The following FKBP15 variants were observed in gnomAD, a reference collection of about 807,000 sequenced individuals.
The protein encoded by FKBP15 is FK506-binding protein 15.
A neutral mutation model predicts 158.1 loss-of-function variants in FKBP15; 106 were observed. The ratio of observed to expected loss-of-function variants is 0.67; its 90% confidence interval spans 0.57 to 0.79. FKBP15 has a LOEUF of 0.79. FKBP15 is among the 30% of genes least tolerant of loss of function. The pLI is 0.00. For missense variants in FKBP15, 1,287 were observed against 1,479.1 expected (o/e 0.87, Z 2.13); for synonymous variants, 547 against 548.6 (o/e 1.00, Z 0.04).
chr9:113,190,685 C>A, intron 11 of FKBP15, 107 bp from the exon 12 acceptor site: 1 of 753,082 alleles, frequency 1.3e-6, no homozygotes, highest in Non-Finnish European at 2.2e-6. Context: ...AATCCCCCTA[C>A]CATATCTATT....
rs550748123 is a variant in FKBP15, at chr9:113,203,327, A to C, written c.325-292T>G. Among the ~76,000 whole-genome samples the C allele has an allele frequency of 2.0e-5, 3 of 152,262 alleles. No individual in the cohort carries two copies. In the East Asian group the frequency reaches 5.8e-4, roughly 29 times the overall value. ...CTAAGAGTGGCTGGTTGTGTAAAAG[A>C]AAATACAAATTGTTTTTAAATTGAT... is the stretch of plus-strand genomic sequence containing the variant. On this transcript the variant is annotated intron_variant, in intron 4 of 27. Transcript: ENST00000238256.
intron 1 of FKBP15, among the ~76,000 whole-genome samples, chr9:113,212,420 C>T (rs968546997): frequency 1.3e-5 from 2 of 152,106 alleles, no homozygotes; most frequent in Non-Finnish European, 2.9e-5. Context: ...AACTCCTGAC[C>T]TCAAGTGATC....
intron 6 of FKBP15, among the ~76,000 whole-genome samples, chr9:113,200,319 A>G (rs1830764024): frequency 6.6e-6 from 1 of 152,262 alleles, no homozygotes; most frequent in Non-Finnish European, 1.5e-5. Flanking sequence ...TACCTGGCAA[A>G]TAATAGTAAG....
chr9:113,190,333 C>T lies in FKBP15; in HGVS notation c.1173+138G>A. 1.7e-5 allele frequency: 12 copies of T among 712,202 alleles called. 1 individual carries two copies. In the South Asian group the frequency reaches 2.0e-4, roughly 12 times the overall value. 44.1% of individuals were successfully genotyped at this position (712,202 alleles called of 1,614,324 possible). A position where few individuals can be genotyped will look rare whatever the true frequency, so the allele number is the denominator to read the frequency against. ...CACAGTAGAAACACATGTACCAATACCAATCTGTATCATTTTGCATATTAG... is the reference window on the plus strand; with the variant it reads ...CACAGTAGAAACACATGTACCAATATCAATCTGTATCATTTTGCATATTAG... On this transcript the variant is annotated intron_variant, in intron 12 of 27. Coordinates refer to ENST00000238256, the MANE Select transcript of FKBP15 (RefSeq NM_015258.2).
chr9:113,190,218 T>G lies in FKBP15; in HGVS notation c.1173+253A>C, dbSNP rs541846459. On this transcript the variant is annotated intron_variant, in intron 12 of 27. Transcript: ENST00000238256. Reference sequence around the variant, plus strand: ...TGATCTTTAGTAACAACAGAGATTCTAGTAAAGAAGGCTAAATTAACTACT... The same window carrying G: ...TGATCTTTAGTAACAACAGAGATTCGAGTAAAGAAGGCTAAATTAACTACT... Among the ~76,000 whole-genome samples the G allele has an allele frequency of 1.6e-3, 237 of 152,328 alleles. 1 individual carries two copies. Among genetic ancestry groups the G allele is most frequent in the African/African-American group, 5.6e-3 (233 of 41,568 alleles).
In FKBP15 at chr9:113,178,595, G is replaced by A. The variant is rs748151553; in HGVS notation, c.2086+35C>T. ...ACAGCTTAATTCCTTGAGTTTAAAT[G>A]GCAACAATCCCAGCATCCCCCACCT... is the stretch of plus-strand genomic sequence containing the variant. On this transcript the variant is annotated intron_variant, in intron 20 of 27. Transcript: ENST00000238256. The A allele has an allele frequency of 4.5e-6, 7 of 1,550,134 alleles. No individual in the cohort carries two copies. In the African/African-American group the frequency reaches 8.3e-5, roughly 18 times the overall value.
At chr9:113,177,444 A>G (rs961395181) in intron 20 of FKBP15, among the ~76,000 whole-genome samples, 1 of 152,214 alleles carries the variant, frequency 6.6e-6, no homozygotes, top group Non-Finnish European at 1.5e-5. Flanking sequence ...CAAATCTAAG[A>G]CTGTCTAACA....
intron 6 of FKBP15, 144 bp downstream of exon 6, chr9:113,202,387 G>A (rs1830808745): frequency 2.0e-6 from 1 of 512,150 alleles, no homozygotes; most frequent in South Asian, 3.3e-5. Flanking sequence ...CATACAATAG[G>A]CCGAAGTGGC....
chr9:113,206,356 T>C (rs959916484), intron 4 of FKBP15, 153 bp downstream of exon 4: 5 of 598,366 alleles, frequency 8.4e-6, no homozygotes, highest in East Asian at 2.9e-5. Flanking sequence ...AATGTGATCA[T>C]TTACTATATG....
chr9:113,170,707 G>C, intron 24 of FKBP15, 78 bp from the exon 25 acceptor site: 1 of 1,057,452 alleles, frequency 9.5e-7, no homozygotes, highest in African/African-American at 1.6e-5. Flanking sequence ...GTGTATGGAA[G>C]GCCAAAATGA....
At position 113,183,695 on chromosome 9, in the gene FKBP15, C is replaced by T. The variant is rs971500054; in HGVS notation, c.1811+56G>A. On this transcript the variant is annotated intron_variant, in intron 18 of 27. Transcript: ENST00000238256. ...AACAAATACGTGTACTTAAGCTGGG[C>T]ATATACATAATAAACCCTTTTGTCC... The T allele has an allele frequency of 3.6e-6, 4 of 1,125,538 alleles. No individual in the cohort carries two copies. The Admixed American group carries it at 5.6e-5, about 16-fold the overall frequency. The allele number at this position is 1,125,538 out of a possible 1,614,324, so 69.7% of individuals were successfully genotyped here. A position where few individuals can be genotyped will look rare whatever the true frequency, so the allele number is the denominator to read the frequency against.
chr9:113,186,143 A>G, intron 15 of FKBP15, 106 bp downstream of exon 15: 1 of 727,916 alleles, frequency 1.4e-6, no homozygotes, highest in Admixed American at 2.7e-5. Context: ...TAAAAAAGAG[A>G]AGAAACAATG....
intron 19 of FKBP15, among the ~76,000 whole-genome samples, chr9:113,179,414 A>G (rs528141915): frequency 6.6e-6 from 1 of 152,150 alleles, no homozygotes; most frequent in African/African-American, 2.4e-5. Context: ...CTGTAATCCC[A>G]CCACTTTGGG....
chr9:113,211,429 G>C, intron 2 of FKBP15, 48 bp downstream of exon 2: 2 of 1,465,464 alleles, frequency 1.4e-6, no homozygotes, highest in Non-Finnish European at 1.9e-6. Context: ...AAAGTGCTGG[G>C]ATTACAGGCA....
In FKBP15 at chr9:113,172,874, A is replaced by G. The variant is rs1013647678; in HGVS notation, c.2532+579T>C. 3.3e-5 allele frequency among the ~76,000 whole-genome samples: 5 copies of G among 152,166 alleles called. No homozygotes were observed. The East Asian group carries it at 9.6e-4, about 29-fold the overall frequency. On this transcript the variant is annotated intron_variant, in intron 23 of 27. Transcript: ENST00000238256. Reference sequence around the variant, plus strand: ...GACTTTCACACCATGACCCTAAGCCATGTCCCATCTCTCTTTTTCAGGCCT... The same window carrying G: ...GACTTTCACACCATGACCCTAAGCCGTGTCCCATCTCTCTTTTTCAGGCCT...
Position 113,202,605 on chromosome 9 carries a change from AG to A in FKBP15, c.423del (p.Tyr143MetfsTer52). 6.3e-7 allele frequency: 1 copy of A among 1,574,824 alleles called. No individual in the cohort carries two copies. The highest frequency in any genetic ancestry group is 8.6e-7 in the Non-Finnish European group (1 of 1,158,642). ...CAGTTCTGTCTCTGGTCATCATAAA[AG>A]GTGCTATAGTTATTGGGCCGAACCT... is the stretch of plus-strand genomic sequence containing the variant. ...ELMVRPNNYS[T>X]FYDDQRQNWS... On this transcript the variant is annotated frameshift_variant, in exon 6 of 28. Transcript: ENST00000238256. LOFTEE classifies it high-confidence loss of function.
At chr9:113,207,156 C>G in intron 3 of FKBP15, 56 bp downstream of exon 3, 1 of 1,090,402 alleles carries the variant, frequency 9.2e-7, no homozygotes, top group Non-Finnish European at 1.3e-6. Flanking sequence ...GAAAAAGTAG[C>G]TTAACTGCAC....
chr9:113,196,051 T>C (rs973483320), intron 9 of FKBP15, among the ~76,000 whole-genome samples: 8 of 151,914 alleles, frequency 5.3e-5, no homozygotes, highest in Admixed American at 3.3e-4. Context: ...CACACGCACA[T>C]ATGAGACCAT....
In FKBP15 at chr9:113,182,794, G is replaced by A. The variant is rs1275779980; in HGVS notation, c.1886C>T (p.Ala629Val). The A allele has an allele frequency of 6.2e-7, 1 of 1,613,492 alleles. No homozygotes were observed. Among genetic ancestry groups the A allele is most frequent in the African/African-American group, 1.3e-5 (1 of 74,878 alleles). Reference protein sequence around the residue: ...SLQTATENTQARVLHAEQEKA... With the variant: ...SLQTATENTQVRVLHAEQEKA... The stretch of plus-strand genomic sequence containing the variant: ...CTCTTGTTCAGCATGCAATACTCTT[G>A]CCTGTGTGTTTTCTGTGGCTGTCTG... The change falls in exon 19 of 28, where the codon GCA becomes GTA. Residue 629 changes from alanine to valine, a missense_variant. Ala to Val is a moderately conservative substitution (Grantham distance 64). Transcript: ENST00000238256.
Sources: allele counts gnomAD v4.1 joint callset (sites outside exome capture counted in the v4.1 genomes callset), GRCh38; gene constraint gnomAD v4.1.1; transcripts MANE v1.5; gene names NCBI Gene and HGNC (gene_info 2026-07-23, HGNC 2026-07-21).